The following SPATA6 variants were observed in gnomAD, a reference collection of about 807,000 sequenced individuals.
SPATA6 encodes spermatogenesis-associated protein 6.
SPATA6 carries 56 observed loss-of-function variants against 65.3 expected under a neutral mutation model. That is an observed-to-expected ratio of 0.86 (90% CI 0.69 to 1.07). The LOEUF (loss-of-function observed/expected upper bound fraction) is 1.07, where lower values mean the gene tolerates loss of function less well. SPATA6 is among the 50% of genes least tolerant of loss of function. The pLI, the probability that SPATA6 is intolerant of heterozygous loss-of-function variation, is 0.00. For missense variants in SPATA6, 590 were observed against 594.8 expected (o/e 0.99, Z 0.08); for synonymous variants, 199 against 213.2 (o/e 0.93, Z 0.58).
the SPATA6 span, among the ~76,000 whole-genome samples, chr1:48,273,418 G>A: frequency 7.2e-5 from 11 of 152,090 alleles, no homozygotes; most frequent in Admixed American, 2.6e-4. Flanking sequence ...AGGTATACAC[G>A]TACCATGGTG....
At chr1:48,358,438 C>A (rs1646716584) in intron 10 of SPATA6, among the ~76,000 whole-genome samples, 1 of 151,052 alleles carries the variant, frequency 6.6e-6, no homozygotes, top group Non-Finnish European at 1.5e-5. Flanking sequence ...AAAAACATAT[C>A]CAAGGAAATA....
At chr1:48,333,239 C>G (rs1462266917) in intron 11 of SPATA6, among the ~76,000 whole-genome samples, 4 of 152,194 alleles carry the variant, frequency 2.6e-5, no homozygotes, top group Non-Finnish European at 5.9e-5. Flanking sequence ...AGTCTTCCAG[C>G]CTTCATCTTT....
chr1:48,267,752 GTTTTTTTT>G, the SPATA6 span, among the ~76,000 whole-genome samples: 2 of 72,676 alleles, frequency 2.8e-5, no homozygotes, highest in South Asian at 7.0e-4. Flanking sequence ...TAGGGTCTGG[GTTTTTTTT>G]TTTTTTTTTT....
In SPATA6 at chr1:48,315,082, G is replaced by C. The variant is rs1032257949; in HGVS notation, c.1195-9204C>G. Among the ~76,000 whole-genome samples the C allele has an allele frequency of 3.3e-5, 5 of 152,166 alleles. No individual in the cohort carries two copies. In the East Asian group the frequency reaches 9.6e-4, roughly 29 times the overall value. ...ACCAAACAAAAAAAGCCCAGGACCA[G>C]ACGGATTCACAGCCGAATTCTACCA... On this transcript the variant is annotated intron_variant, in intron 11 of 12. Transcript: ENST00000371847.
chr1:48,301,600 G>C (rs914244119), intron 12 of SPATA6, among the ~76,000 whole-genome samples: 1 of 151,786 alleles, frequency 6.6e-6, no homozygotes, highest in Admixed American at 6.6e-5. Flanking sequence ...AACGAAGTTG[G>C]AGGCATCACA....
At chr1:48,327,070 T>C (rs1012962291) in intron 11 of SPATA6, among the ~76,000 whole-genome samples, 1 of 152,080 alleles carries the variant, frequency 6.6e-6, no homozygotes, top group Non-Finnish European at 1.5e-5. Context: ...ACAACTTACA[T>C]AGTAGGAGAA....
At chr1:48,383,381 G>C (rs1197175257) in intron 9 of SPATA6, among the ~76,000 whole-genome samples, 1 of 54,596 alleles carries the variant, frequency 1.8e-5, no homozygotes, top group African/African-American at 5.2e-5. Context: ...CGGATGGGGC[G>C]GCTGGCCAGG....
At chr1:48,449,465 T>C (rs1416759707) in intron 3 of SPATA6, among the ~76,000 whole-genome samples, 1 of 152,200 alleles carries the variant, frequency 6.6e-6, no homozygotes, top group Non-Finnish European at 1.5e-5. Context: ...AACCTCTATG[T>C]CTAATTATCA....
At chr1:48,415,277 GT>G (rs887252855) in intron 3 of SPATA6, among the ~76,000 whole-genome samples, 28 of 152,344 alleles carry the variant, frequency 1.8e-4, no homozygotes, top group African/African-American at 6.7e-4. Context: ...CACGCAAGTA[GT>G]TTTTGGGTTA....
At chr1:48,305,507 G>T (rs1007831097) in intron 12 of SPATA6, among the ~76,000 whole-genome samples, 7 of 152,026 alleles carry the variant, frequency 4.6e-5, no homozygotes, top group Non-Finnish European at 7.4e-5. Flanking sequence ...AAAATTATAA[G>T]AACTATTTTT....
At chr1:48,366,464 A>C (rs186738076) in intron 9 of SPATA6, among the ~76,000 whole-genome samples, 37 of 152,128 alleles carry the variant, frequency 2.4e-4, no homozygotes, top group African/African-American at 8.9e-4. Flanking sequence ...GATTATTGCC[A>C]CAATTTCAGA....
At chr1:48,287,642 G>A in the SPATA6 span, among the ~76,000 whole-genome samples, 1 of 152,180 alleles carries the variant, frequency 6.6e-6, no homozygotes, top group Non-Finnish European at 1.5e-5. Flanking sequence ...CTTGCCATGT[G>A]GCACTGCCAG....
intron 11 of SPATA6, among the ~76,000 whole-genome samples, chr1:48,319,499 G>A (rs1206392763): frequency 6.6e-6 from 1 of 152,144 alleles, no homozygotes; most frequent in African/African-American, 2.4e-5. Context: ...ACTTCAAGTA[G>A]ATTGTCTAAG....
At chr1:48,396,249 G>A (rs2265766) in intron 7 of SPATA6, among the ~76,000 whole-genome samples, 144,399 of 151,732 alleles carry the variant, frequency 0.95, 68,980 homozygotes, top group Non-Finnish European at 1. Context: ...GAGAAGATGT[G>A]AATAACTTTG....
the SPATA6 span, among the ~76,000 whole-genome samples, chr1:48,263,825 G>A: frequency 1.3e-5 from 2 of 151,964 alleles, no homozygotes; most frequent in Non-Finnish European, 2.9e-5. Context: ...GCCAGTTTTT[G>A]TTGTTGTTGT....
At chr1:48,417,545 G>A (rs911352627) in intron 3 of SPATA6, among the ~76,000 whole-genome samples, 1 of 152,168 alleles carries the variant, frequency 6.6e-6, no homozygotes, top group African/African-American at 2.4e-5. Context: ...GCCGGATGAG[G>A]TGGCTCATAC....
intron 9 of SPATA6, among the ~76,000 whole-genome samples, chr1:48,384,686 G>C (rs137882420): frequency 1.3e-5 from 2 of 152,184 alleles, no homozygotes; most frequent in African/African-American, 4.8e-5. Flanking sequence ...TGCTCAGTTA[G>C]CTATTGGTAT....
intron 8 of SPATA6, among the ~76,000 whole-genome samples, chr1:48,391,477 G>A (rs1316838852): frequency 2.0e-5 from 3 of 152,030 alleles, no homozygotes; most frequent in Admixed American, 2.0e-4. Flanking sequence ...AAAAGTTTCT[G>A]TATGTTAAAG....
chr1:48,403,680 C>T, intron 6 of SPATA6, 122 bp downstream of exon 6: 1 of 672,832 alleles, frequency 1.5e-6, no homozygotes, highest in Non-Finnish European at 2.5e-6. Flanking sequence ...TTCACTTCAA[C>T]TAAAAATTGA....
Sources: gnomAD v4.1 joint callset for allele counts (sites outside exome capture counted in the v4.1 genomes callset) on GRCh38, gnomAD v4.1.1 for gene constraint, MANE v1.5 for transcripts, NCBI Gene and HGNC (gene_info 2026-07-23, HGNC 2026-07-21) for gene names.